GPHN: variants seen among roughly 807,000 people sequenced by gnomAD.
GPHN encodes the protein gephyrin.
GPHN carries 17 observed loss-of-function variants against 95.5 expected under a neutral mutation model. The observed-to-expected ratio is 0.18, with a 90% CI of 0.12 to 0.27. GPHN has a LOEUF of 0.27. GPHN is among the 10% of genes least tolerant of loss of function. GPHN has a pLI of 1.00. For synonymous variants in GPHN, 320 were observed against 322.5 expected (o/e 0.99, Z 0.08); for missense variants, 660 against 978.1 (o/e 0.67, Z 4.34).
the GPHN span, among the ~76,000 whole-genome samples, chr14:67,326,704 T>C: frequency 6.6e-6 from 1 of 152,290 alleles, no homozygotes; most frequent in Admixed American, 6.5e-5. Flanking sequence ...GTTCTAGAAG[T>C]TCATATAAAT....
At chr14:66,986,885 CT>C (rs1392800487) in intron 9 of GPHN, among the ~76,000 whole-genome samples, 3 of 152,122 alleles carry the variant, frequency 2.0e-5, no homozygotes, top group African/African-American at 7.2e-5. Context: ...CTTAGCTTTA[CT>C]TTTTTGTTAT....
chr14:66,863,971 A>G (rs1182769279), intron 4 of GPHN, among the ~76,000 whole-genome samples: 1 of 152,218 alleles, frequency 6.6e-6, no homozygotes, highest in Non-Finnish European at 1.5e-5. Flanking sequence ...GACAAATGGG[A>G]TTACAAATTT....
At chr14:67,231,051 T>A in the GPHN span, among the ~76,000 whole-genome samples, 18 of 152,190 alleles carry the variant, frequency 1.2e-4, no homozygotes, top group African/African-American at 3.9e-4. Context: ...GTATACAGGG[T>A]TCCGTACCAT....
chr14:66,718,275 G>T (rs1020314277), intron 2 of GPHN, among the ~76,000 whole-genome samples: 1 of 152,092 alleles, frequency 6.6e-6, no homozygotes, highest in Non-Finnish European at 1.5e-5. Flanking sequence ...CTTCTGGTGG[G>T]TCTCGCTGAC....
At chr14:66,797,021 C>CTTTTTTTTTTTTTTTTTTT (rs369681377) in intron 3 of GPHN, among the ~76,000 whole-genome samples, 33 of 81,214 alleles carry the variant, frequency 4.1e-4, no homozygotes, top group African/African-American at 5.2e-4. Flanking sequence ...TATCTAGTTC[C>CTTTTTTTTTTTTTTTTTTT]TTTTTTTTTT....
At chr14:67,687,472 T>A in the GPHN span, among the ~76,000 whole-genome samples, 1 of 148,822 alleles carries the variant, frequency 6.7e-6, no homozygotes. Context: ...TATTCCTTTT[T>A]TTTTTTTTTT....
chr14:67,510,403 A>G, the GPHN span, among the ~76,000 whole-genome samples: 449 of 152,300 alleles, frequency 2.9e-3, 4 homozygotes, highest in African/African-American at 0.01. Context: ...TCATTGCCCA[A>G]TGACCTAGAA....
chr14:67,328,152 C>CT, the GPHN span, among the ~76,000 whole-genome samples: 2 of 151,992 alleles, frequency 1.3e-5, no homozygotes, highest in Non-Finnish European at 2.9e-5. Flanking sequence ...CTGTTGTTTC[C>CT]GACTTTTTAA....
the GPHN span, among the ~76,000 whole-genome samples, chr14:67,631,434 C>CTT: frequency 2.3e-3 from 264 of 113,112 alleles, no homozygotes; most frequent in Middle Eastern, 5.4e-3. Context: ...TTCTTTCTTT[C>CTT]TTTTTTTTTT....
chr14:66,544,330 C>T (rs1342538191), intron 1 of GPHN, among the ~76,000 whole-genome samples: 1 of 152,200 alleles, frequency 6.6e-6, no homozygotes, highest in African/African-American at 2.4e-5. Context: ...TACTCCTAAT[C>T]CTCTTTGCCT....
At chr14:67,347,517 C>T in the GPHN span, 89,824 of 679,170 alleles carry the variant, frequency 0.13, 10,083 homozygotes, top group East Asian at 0.47. Flanking sequence ...TTTTTTTTTT[C>T]TGAGACGGAG....
At chr14:67,341,355 C>T in the GPHN span, among the ~76,000 whole-genome samples, 1 of 151,674 alleles carries the variant, frequency 6.6e-6, no homozygotes, top group South Asian at 2.1e-4. Context: ...ACCCTCCACC[C>T]GGCAGCCGCC....
chr14:67,641,217 T>C, the GPHN span, among the ~76,000 whole-genome samples: 4 of 152,148 alleles, frequency 2.6e-5, no homozygotes, highest in Non-Finnish European at 4.4e-5. Flanking sequence ...CTTCAGGCTA[T>C]GTGTATAAAG....
chr14:67,006,036 TAAAAG>T (rs1035384734), intron 9 of GPHN, among the ~76,000 whole-genome samples: 16 of 149,542 alleles, frequency 1.1e-4, no homozygotes, highest in African/African-American at 2.5e-4. Context: ...AAGGAGAAAA[TAAAAG>T]GAAGGGAGGC....
intron 4 of GPHN, among the ~76,000 whole-genome samples, chr14:66,874,428 G>A (rs28790342): frequency 0.067 from 10,268 of 152,120 alleles, 841 homozygotes; most frequent in African/African-American, 0.19. Context: ...ACAGAAGTAG[G>A]CTTCAGAAGG....
At chr14:67,259,469 G>A in the GPHN span, among the ~76,000 whole-genome samples, 3 of 152,018 alleles carry the variant, frequency 2.0e-5, no homozygotes, top group African/African-American at 2.4e-5. Flanking sequence ...AAAATCAGCC[G>A]GGTGTAGTGT....
chr14:67,579,383 G>A, the GPHN span: 1 of 1,253,044 alleles, frequency 8.0e-7, no homozygotes, highest in Non-Finnish European at 1.1e-6. Flanking sequence ...CTGGGCCTTA[G>A]GCTCAGGCTT....
chr14:67,058,755 G>C lies in GPHN; in HGVS notation c.1113G>C (p.Pro371=), dbSNP rs770812117. 4 of 1,613,560 alleles carry C rather than the reference G, an allele frequency of 2.5e-6. No homozygotes were observed. The highest frequency in any genetic ancestry group is 1.7e-6 in the Non-Finnish European group (2 of 1,179,540). ...TTATCACAGTCCTGGAGATGACTCC[G>C]GTGCTTGGGACAGAAATCATCAATT... The part of the protein sequence containing the change: ...KAFITVLEMT[P]VLGTEIINYR... Residue 371 remains proline, a synonymous_variant, in exon 11 of 23, where the codon CCG becomes CCC. Coordinates refer to ENST00000478722, the MANE Select transcript of GPHN (RefSeq NM_020806.5).
the GPHN span, among the ~76,000 whole-genome samples, chr14:67,484,695 G>A: frequency 2.0e-5 from 3 of 152,064 alleles, no homozygotes; most frequent in East Asian, 3.9e-4. Flanking sequence ...AGGCTGAGGC[G>A]GGAGGACTGC....
Sources: allele counts gnomAD v4.1 joint callset (sites outside exome capture counted in the v4.1 genomes callset), GRCh38; gene constraint gnomAD v4.1.1; transcripts MANE v1.5; gene names NCBI Gene and HGNC (gene_info 2026-07-23, HGNC 2026-07-21).